Variants in SH3PXD2B observed in about 807,000 individuals in gnomAD.
SH3PXD2B encodes SH3 and PX domain-containing protein 2B.
A neutral mutation model predicts 73.1 loss-of-function variants in SH3PXD2B; 37 were observed. The ratio of observed to expected loss-of-function variants is 0.51; its 90% CI spans 0.39 to 0.67. The LOEUF is 0.67. SH3PXD2B is among the 30% of genes least tolerant of loss of function. The probability of loss-of-function intolerance (pLI) is 0.00; values close to 1 mark genes in which losing one functional copy is unlikely to be tolerated. For missense variants in SH3PXD2B, 1,053 were observed against 1,197.8 expected (o/e 0.88, Z 1.78); for synonymous variants, 457 against 480.5 (o/e 0.95, Z 0.64).
intron 1 of SH3PXD2B, among the ~76,000 whole-genome samples, chr5:172,443,485 C>T (rs569592724): frequency 5.6e-4 from 85 of 152,372 alleles, no homozygotes; most frequent in Middle Eastern, 3.4e-3. Context: ...TGACAGTGCA[C>T]CTCTCTGTCC....
At chr5:172,442,831 T>C (rs1759578185) in intron 1 of SH3PXD2B, among the ~76,000 whole-genome samples, 1 of 152,214 alleles carries the variant, frequency 6.6e-6, no homozygotes, top group Non-Finnish European at 1.5e-5. Context: ...CCTCATTCTG[T>C]AGAAGAGGAA....
In SH3PXD2B at chr5:172,439,275, AC is replaced by A. The variant is rs1561583497; in HGVS notation, c.75+15002del. 5.0e-3 allele frequency among the ~76,000 whole-genome samples: 263 copies of A among 52,624 alleles called. 13 individuals carry two copies. The highest frequency in any genetic ancestry group is 0.016 in the African/African-American group (217 of 13,332). 34.5% of individuals were successfully genotyped at this position (52,624 alleles called of 152,430 possible). ...AGAAAAAAAAAAAACAAAAACAAAA[AC>A]AAAACAAAAAAAAAACCCCAAAAAA... On this transcript the variant is annotated intron_variant, in intron 1 of 12. Coordinates refer to ENST00000311601, the MANE Select transcript of SH3PXD2B (RefSeq NM_001017995.3).
chr5:172,348,667 C>CTATCTATCTATCT (rs1757069084), intron 10 of SH3PXD2B, among the ~76,000 whole-genome samples: 1 of 26,278 alleles, frequency 3.8e-5, no homozygotes, highest in African/African-American at 1.1e-4. Context: ...ATCTATCTAT[C>CTATCTATCTATCT]TATCTATCTA....
intron 5 of SH3PXD2B, among the ~76,000 whole-genome samples, chr5:172,376,543 G>A (rs1253216793): frequency 6.6e-6 from 1 of 152,220 alleles, no homozygotes; most frequent in Non-Finnish European, 1.5e-5. Context: ...ACCTGGGAGA[G>A]AGCAGTGAGG....
chr5:172,384,215 C>G (rs1322688658), intron 4 of SH3PXD2B, among the ~76,000 whole-genome samples: 2 of 152,156 alleles, frequency 1.3e-5, no homozygotes, highest in African/African-American at 4.8e-5. Context: ...TGTGCCGACG[C>G]TGCAGCAGTA....
Position 172,334,627 on chromosome 5 carries a change from CACGATGAAAGG to C in SH3PXD2B, c.*3731_*3741del, listed in dbSNP as rs1756644321. 10 of 985,382 alleles carry C rather than the reference CACGATGAAAGG, an allele frequency of 1.0e-5. No homozygotes were observed. The South Asian group carries it at 4.7e-4, about 46-fold the overall frequency. 61.0% of individuals were successfully genotyped at this position (985,382 alleles called of 1,614,324 possible). Reference sequence around the variant, plus strand: ...CTTAAGCCAACATGTAAGACTTGGGCACGATGAAAGGACGGGGGTCCAGCTACGAATGTTTT... The same window carrying C: ...CTTAAGCCAACATGTAAGACTTGGGCACGGGGGTCCAGCTACGAATGTTTT... On this transcript the variant is annotated 3_prime_UTR_variant, in exon 13 of 13. Coordinates refer to ENST00000311601, the MANE Select transcript of SH3PXD2B (RefSeq NM_001017995.3).
At chr5:172,385,484 G>T (rs911819869) in intron 4 of SH3PXD2B, among the ~76,000 whole-genome samples, 1 of 152,230 alleles carries the variant, frequency 6.6e-6, no homozygotes, top group Non-Finnish European at 1.5e-5. Context: ...ACAAAAGGCG[G>T]CAGGGTGGCA....
chr5:172,345,162 T>C (rs974938101), intron 12 of SH3PXD2B, among the ~76,000 whole-genome samples: 2 of 147,588 alleles, frequency 1.4e-5, no homozygotes, highest in African/African-American at 5.2e-5. Context: ...AGGCAGGCTA[T>C]AGTCCTTCCT....
At chr5:172,373,850 G>C in intron 5 of SH3PXD2B, 35 bp from the exon 6 acceptor site, 9 of 1,611,862 alleles carry the variant, frequency 5.6e-6, no homozygotes, top group Middle Eastern at 1.7e-4. Context: ...GAAGAGTAAC[G>C]AGTCAGTACT....
downstream of SH3PXD2B, among the ~76,000 whole-genome samples, chr5:172,330,473 G>T (rs1269887785): frequency 2.0e-5 from 3 of 152,152 alleles, no homozygotes; most frequent in African/African-American, 4.8e-5. Context: ...TCTGTGAATG[G>T]TATCACAGTC....
intron 6 of SH3PXD2B, among the ~76,000 whole-genome samples, chr5:172,364,580 G>A (rs950334392): frequency 6.6e-6 from 1 of 152,160 alleles, no homozygotes; most frequent in South Asian, 2.1e-4. Context: ...CATGAGAATC[G>A]CTTGAACCCG....
chr5:172,327,000 G>T (rs966143503), intron 12 of SH3PXD2B, among the ~76,000 whole-genome samples: 3 of 151,348 alleles, frequency 2.0e-5, no homozygotes, highest in African/African-American at 7.3e-5. Flanking sequence ...GGGATTACAG[G>T]CATGCGCCAC....
chr5:172,327,442 A>T (rs2113210984), intron 12 of SH3PXD2B, among the ~76,000 whole-genome samples: 1 of 152,310 alleles, frequency 6.6e-6, no homozygotes, highest in South Asian at 2.1e-4. Flanking sequence ...CCCAGCGGGT[A>T]TATAAGACAA....
At chr5:172,379,624 C>T (rs894643207) in intron 5 of SH3PXD2B, among the ~76,000 whole-genome samples, 27 of 152,186 alleles carry the variant, frequency 1.8e-4, no homozygotes, top group African/African-American at 6.5e-4. Flanking sequence ...GGAATAAAGA[C>T]AACAATGTCT....
chr5:172,449,517 G>A (rs2113521666), intron 1 of SH3PXD2B, among the ~76,000 whole-genome samples: 1 of 152,288 alleles, frequency 6.6e-6, no homozygotes, highest in Non-Finnish European at 1.5e-5. Context: ...TATCCCAAAT[G>A]TATAAATAAA....
chr5:172,443,748 G>A (rs143897986), intron 1 of SH3PXD2B, among the ~76,000 whole-genome samples: 53 of 152,362 alleles, frequency 3.5e-4, no homozygotes, highest in African/African-American at 5.8e-4. Context: ...ACGCCAACGC[G>A]TGGGTTCTAG....
intron 2 of SH3PXD2B, among the ~76,000 whole-genome samples, chr5:172,407,813 T>C (rs1407423853): frequency 6.6e-6 from 1 of 152,258 alleles, no homozygotes; most frequent in African/African-American, 2.4e-5. Context: ...AGACATGGGC[T>C]AGATTCTTTA....
chr5:172,362,918 A>G lies in SH3PXD2B; in HGVS notation c.428-49T>C, dbSNP rs1757432119. ...CATCTGGCCACCACTCATGCATGAA[A>G]GAGCAGGAGTCAGAGCAGTAGGGCG... On this transcript the variant is annotated intron_variant, in intron 6 of 12. Coordinates refer to ENST00000311601, the MANE Select transcript of SH3PXD2B (RefSeq NM_001017995.3). 1.9e-6 allele frequency: 3 copies of G among 1,612,600 alleles called. No individual in the cohort carries two copies. In the East Asian group the frequency reaches 6.7e-5, roughly 36 times the overall value.
intron 8 of SH3PXD2B, among the ~76,000 whole-genome samples, chr5:172,354,773 G>A (rs1255078176): frequency 2.6e-5 from 4 of 152,174 alleles, no homozygotes; most frequent in African/African-American, 9.7e-5. Flanking sequence ...AACCATGCTC[G>A]AAGCTTCAAC....
Sources: gnomAD v4.1 joint callset for allele counts (sites outside exome capture counted in the v4.1 genomes callset) on GRCh38, gnomAD v4.1.1 for gene constraint, MANE v1.5 for transcripts, NCBI Gene and HGNC (gene_info 2026-07-23, HGNC 2026-07-21) for gene names.